The following YEATS2 variants were observed in gnomAD, a reference collection of about 807,000 sequenced individuals.
The protein encoded by YEATS2 is YEATS domain containing 2.
Under a neutral mutation model 163.2 loss-of-function variants are expected in YEATS2, and 77 were observed. The observed-to-expected ratio is 0.47, with a 90% CI of 0.39 to 0.57. The LOEUF is 0.57. Ranked by LOEUF, YEATS2 falls within the 20% of genes least tolerant of loss-of-function variation. The pLI, the probability that YEATS2 is intolerant of heterozygous loss-of-function variation, is 0.00. For synonymous variants in YEATS2, 631 were observed against 645.1 expected (o/e 0.98, Z 0.33); for missense variants, 1,549 against 1,729.8 (o/e 0.90, Z 1.85).
chr3:183,797,845 T>C, intron 21 of YEATS2, 78 bp from the exon 22 acceptor site: 1 of 1,565,574 alleles, frequency 6.4e-7, no homozygotes, highest in Non-Finnish European at 8.7e-7. Flanking sequence ...CATGACAAAA[T>C]ATGGGTAGCA....
chr3:183,775,321 G>A (rs1722852162), intron 17 of YEATS2, among the ~76,000 whole-genome samples: 1 of 152,202 alleles, frequency 6.6e-6, no homozygotes, highest in South Asian at 2.1e-4. Context: ...CTAGAGGCTG[G>A]GTGCAGTGGC....
chr3:183,802,798 T>C (rs988208484), intron 25 of YEATS2: 1 of 153,686 alleles, frequency 6.5e-6, no homozygotes, highest in African/African-American at 2.4e-5. Context: ...GGCATGGTGG[T>C]GCCTGCCTGT....
chr3:183,806,827 GC>G, intron 27 of YEATS2, 38 bp from the exon 28 acceptor site: 13 of 1,608,166 alleles, frequency 8.1e-6, no homozygotes, highest in Non-Finnish European at 1.1e-5. Flanking sequence ...TCTTCCGTTG[GC>G]CCCACAGCTG....
At chr3:183,788,130 C>A (rs1266790372) in intron 20 of YEATS2, among the ~76,000 whole-genome samples, 1 of 152,028 alleles carries the variant, frequency 6.6e-6, no homozygotes, top group Non-Finnish European at 1.5e-5. Flanking sequence ...GTATCTGTCA[C>A]CCTAAGCATT....
intron 15 of YEATS2, among the ~76,000 whole-genome samples, chr3:183,767,538 G>T (rs1276252258): frequency 1.3e-5 from 2 of 151,996 alleles, no homozygotes; most frequent in African/African-American, 4.8e-5. Context: ...CCACCACCAT[G>T]CCTAGCTAAT....
chr3:183,712,226 T>TATTTTATTTTATTTTATTTTATTTTATG, intron 1 of YEATS2, among the ~76,000 whole-genome samples: 3 of 147,224 alleles, frequency 2.0e-5, no homozygotes, highest in East Asian at 4.1e-4. Flanking sequence ...TATTTTATTT[T>TATTTTATTTTATTTTATTTTATTTTATG]TTGAGACAGA....
intron 8 of YEATS2, among the ~76,000 whole-genome samples, chr3:183,738,145 C>T (rs970290771): frequency 6.6e-6 from 1 of 152,086 alleles, no homozygotes; most frequent in Admixed American, 6.6e-5. Context: ...ACCAGTCATT[C>T]CCCATCTCAT....
At chr3:183,782,398 C>T (rs567228059) in intron 19 of YEATS2, among the ~76,000 whole-genome samples, 52 of 151,822 alleles carry the variant, frequency 3.4e-4, no homozygotes, top group South Asian at 1.2e-3. Context: ...CATGAGCCAC[C>T]GCGCCTGGCC....
Position 183,776,048 on chromosome 3 carries a change from T to G in YEATS2, c.2502T>G (p.Thr834=). Residue 834 remains threonine (T), a synonymous_variant, in exon 18 of 31, where the codon ACT becomes ACG. Coordinates refer to ENST00000305135, the MANE Select transcript of YEATS2 (RefSeq NM_018023.5). ...GGGGGTAGGG[T]QSTAGPGGIS... Reference sequence around the variant, plus strand: ...GAGGAGGAACAGCAGGAGGAGGAACTCAAAGTACTGCTGGCCCTGGAGGGA... The same window carrying G: ...GAGGAGGAACAGCAGGAGGAGGAACGCAAAGTACTGCTGGCCCTGGAGGGA... 1 of 1,613,060 alleles carries G rather than the reference T, an allele frequency of 6.2e-7. No homozygotes were observed. Among genetic ancestry groups the G allele is most frequent in the Admixed American group, 1.7e-5 (1 of 59,970 alleles).
intron 8 of YEATS2, among the ~76,000 whole-genome samples, chr3:183,737,662 T>C (rs1228016950): frequency 6.6e-6 from 1 of 152,238 alleles, no homozygotes; most frequent in Non-Finnish European, 1.5e-5. Flanking sequence ...GATAAAGTAC[T>C]ATACAAGATT....
At chr3:183,753,170 T>G (rs889282586) in intron 10 of YEATS2, among the ~76,000 whole-genome samples, 1 of 152,170 alleles carries the variant, frequency 6.6e-6, no homozygotes, top group African/African-American at 2.4e-5. Flanking sequence ...AGCTTCTGAT[T>G]GTGCGAGCAA....
chr3:183,756,462 T>C lies in YEATS2; in HGVS notation c.1391-66T>C, dbSNP rs927743637. The C allele has an allele frequency of 2.1e-6, 3 of 1,433,986 alleles. No homozygotes were observed. The African/African-American group carries it at 4.4e-5, about 21-fold the overall frequency. The allele number at this position is 1,433,986 out of a possible 1,614,324, so 88.8% of individuals were successfully genotyped here. On this transcript the variant is annotated intron_variant, in intron 11 of 30. Coordinates refer to ENST00000305135, the MANE Select transcript of YEATS2 (RefSeq NM_018023.5). ...GTGGCACTGACCTTCTTCCTTGTCC[T>C]CGACATCTTCTTACGTGAGTTGAAT... is the stretch of plus-strand genomic sequence containing the variant.
chr3:183,771,542 C>CTTTTTTTTT lies in YEATS2; in HGVS notation c.1948-763_1948-762insTTTTTTTTT, dbSNP rs1722462151. ...TTTTAATAGTTAAATATTATTCTTG[C>CTTTTTTTTT]CTTTTTTTTTTTTTTTTTTTTTTCT... is the stretch of plus-strand genomic sequence containing the variant. On this transcript the variant is annotated intron_variant, in intron 15 of 30. Transcript: ENST00000305135. Among the ~76,000 whole-genome samples the CTTTTTTTTT allele has an allele frequency of 3.6e-4, 22 of 60,812 alleles. 3 individuals carry two copies. The highest frequency in any genetic ancestry group is 6.4e-4 in the East Asian group (1 of 1,570). 39.9% of individuals were successfully genotyped at this position (60,812 alleles called of 152,430 possible). A position where few individuals can be genotyped will look rare whatever the true frequency, so the allele number is the denominator to read the frequency against.
At chr3:183,756,315 C>G (rs966762782) in intron 11 of YEATS2, among the ~76,000 whole-genome samples, 6 of 152,062 alleles carry the variant, frequency 3.9e-5, no homozygotes, top group African/African-American at 1.4e-4. Flanking sequence ...TGCTGTTGAT[C>G]CATGGATAAG....
Position 183,786,314 on chromosome 3 carries a change from A to G in YEATS2, c.2913+13A>G, listed in dbSNP as rs757431664. Reference sequence around the variant, plus strand: ...TCCTGCACAACAGGTGAGAAATAGCATGTCAGTAGAGAATCCTAATGAGAC... The same window carrying G: ...TCCTGCACAACAGGTGAGAAATAGCGTGTCAGTAGAGAATCCTAATGAGAC... On this transcript the variant is annotated intron_variant, in intron 20 of 30. Coordinates refer to ENST00000305135, the MANE Select transcript of YEATS2 (RefSeq NM_018023.5). 1.0e-5 allele frequency: 16 copies of G among 1,597,408 alleles called. No homozygotes were observed. The highest frequency in any genetic ancestry group is 1.3e-5 in the African/African-American group (1 of 74,696).
In YEATS2 at chr3:183,800,493, C is replaced by G. The variant is rs200160655; in HGVS notation, c.3353C>G (p.Pro1118Arg). 114 of 1,613,964 alleles carry G rather than the reference C, an allele frequency of 7.1e-5. 1 individual carries two copies. The highest frequency in any genetic ancestry group is 4.2e-5 in the Non-Finnish European group (50 of 1,180,002). The change falls in exon 24 of 31, where the codon CCG becomes CGG. Residue 1118 changes from proline (P) to arginine (R), a missense_variant. Transcript: ENST00000305135. ...KVKTEPETPG[P>R]SCLSQEGQTA... ...AAGACTGAACCAGAAACACCTGGACCGAGTTGCCTCTCTCAGGAGGGTCAG... is the reference window on the plus strand; with the variant it reads ...AAGACTGAACCAGAAACACCTGGACGGAGTTGCCTCTCTCAGGAGGGTCAG...
rs1726881864 is a variant in YEATS2 at position 183,812,370 on chromosome 3, G to C, written c.*1787G>C. 1 of 152,374 alleles carries C rather than the reference G, an allele frequency of 6.6e-6. No homozygotes were observed. Among genetic ancestry groups the C allele is most frequent in the African/African-American group, 2.4e-5 (1 of 41,448 alleles). 9.4% of individuals were successfully genotyped at this position (152,374 alleles called of 1,614,324 possible). The stretch of plus-strand genomic sequence containing the variant: ...ATAGTCTATACCTGAACTGCTATAA[G>C]CAAGGTCGATAGGGAAGTGGATAGA... On this transcript the variant is annotated 3_prime_UTR_variant, in exon 31 of 31. Transcript: ENST00000305135.
At position 183,772,421 on chromosome 3, in the gene YEATS2, G is replaced by A. The variant is rs2109428965; in HGVS notation, c.2064G>A (p.Gly688=). Residue 688 remains glycine (G), a synonymous_variant, in exon 16 of 31, where the codon GGG becomes GGA. Coordinates refer to ENST00000305135, the MANE Select transcript of YEATS2 (RefSeq NM_018023.5). ...GCTCTTCTGTCTCCAAAGCAGTTGG[G>A]CCAAAGCAAGTTGTAACCCAAGGAG... ...KASSSVSKAV[G]PKQVVTQGVA... is the part of the protein sequence containing the mutation. 6.2e-7 allele frequency: 1 copy of A among 1,614,188 alleles called. No individual in the cohort carries two copies. The highest frequency in any genetic ancestry group is 1.1e-5 in the South Asian group (1 of 91,084).
At chr3:183,719,517 A>G (rs899264311) in intron 4 of YEATS2, among the ~76,000 whole-genome samples, 1 of 152,224 alleles carries the variant, frequency 6.6e-6, no homozygotes, top group East Asian at 1.9e-4. Context: ...TTGAGACCTC[A>G]TTGAACTGGC....
Sources: gnomAD v4.1 joint callset for allele counts (sites outside exome capture counted in the v4.1 genomes callset) on GRCh38, gnomAD v4.1.1 for gene constraint, MANE v1.5 for transcripts, NCBI Gene and HGNC (gene_info 2026-07-23, HGNC 2026-07-21) for gene names.